Variants in TSPAN15 observed in about 807,000 individuals in gnomAD.
The protein encoded by TSPAN15 is tetraspanin 15.
TSPAN15 carries 20 observed loss-of-function variants against 34.5 expected under a neutral mutation model. The observed-to-expected ratio is 0.58, with a 90% CI of 0.41 to 0.84. The LOEUF is 0.84. TSPAN15 is among the 40% of genes least tolerant of loss of function. The pLI is 0.00. For missense variants in TSPAN15, 313 were observed against 386.1 expected (o/e 0.81, Z 1.59); for synonymous variants, 155 against 153.9 (o/e 1.01, Z -0.05).
At chr10:69,543,821 G>A in the TSPAN15 span, among the ~76,000 whole-genome samples, 2 of 150,406 alleles carry the variant, frequency 1.3e-5, no homozygotes, top group South Asian at 4.2e-4. Flanking sequence ...AGGAGAAGAG[G>A]GGGAGAGGGA....
intron 3 of TSPAN15, among the ~76,000 whole-genome samples, chr10:69,485,834 C>A (rs1841841499): frequency 6.6e-6 from 1 of 152,072 alleles, no homozygotes; most frequent in Admixed American, 6.5e-5. Context: ...GGCAGTGGGC[C>A]TGGGCCAAAA....
At chr10:69,533,139 G>C in the TSPAN15 span, among the ~76,000 whole-genome samples, 1 of 152,256 alleles carries the variant, frequency 6.6e-6, no homozygotes, top group African/African-American at 2.4e-5. Flanking sequence ...AGAACTAAAA[G>C]TAGCACTACC....
chr10:69,499,798 G>A (rs1842164783), intron 5 of TSPAN15, among the ~76,000 whole-genome samples: 1 of 152,206 alleles, frequency 6.6e-6, no homozygotes, highest in African/African-American at 2.4e-5. Flanking sequence ...AGTGAGGAAG[G>A]TGTCTGGGGG....
intron 1 of TSPAN15, among the ~76,000 whole-genome samples, chr10:69,472,464 G>T (rs1256124203): frequency 1.3e-5 from 2 of 152,156 alleles, no homozygotes; most frequent in East Asian, 3.9e-4. Flanking sequence ...TGGTGTGCTG[G>T]TATGTCTCTC....
chr10:69,539,440 AG>A, the TSPAN15 span, among the ~76,000 whole-genome samples: 18 of 63,604 alleles, frequency 2.8e-4, no homozygotes, highest in East Asian at 4.5e-3. Flanking sequence ...AAGAAGAAGA[AG>A]GAAGAAGAAG....
At chr10:69,493,240 G>T (rs1288196924) in intron 3 of TSPAN15, among the ~76,000 whole-genome samples, 1 of 152,172 alleles carries the variant, frequency 6.6e-6, no homozygotes, top group Non-Finnish European at 1.5e-5. Flanking sequence ...CAGGCTGCTC[G>T]GCTGGAAGGC....
At chr10:69,537,045 A>G in the TSPAN15 span, among the ~76,000 whole-genome samples, 1 of 151,368 alleles carries the variant, frequency 6.6e-6, no homozygotes, top group Non-Finnish European at 1.5e-5. Flanking sequence ...TTATGACCTC[A>G]TTTAACCCTA....
the TSPAN15 span, among the ~76,000 whole-genome samples, chr10:69,519,230 A>G: frequency 3.9e-5 from 6 of 152,266 alleles, no homozygotes; most frequent in South Asian, 1.2e-3. Context: ...CAGCCTGGGC[A>G]ATGGGAGACC....
At chr10:69,539,563 G>GAGAAGAAGAAGAAGA in the TSPAN15 span, among the ~76,000 whole-genome samples, 16 of 101,494 alleles carry the variant, frequency 1.6e-4, no homozygotes, top group African/African-American at 5.5e-4. Context: ...GAAGGAGAAG[G>GAGAAGAAGAAGAAGA]AGAAGAAGAC....
intron 3 of TSPAN15, chr10:69,494,615 T>C: frequency 1.0e-6 from 1 of 984,142 alleles, no homozygotes; most frequent in Non-Finnish European, 1.2e-6. Flanking sequence ...ACGGGTTTGG[T>C]TCACAGTTGG....
the TSPAN15 span, among the ~76,000 whole-genome samples, chr10:69,512,783 C>T: frequency 3.3e-5 from 5 of 152,164 alleles, no homozygotes; most frequent in Admixed American, 1.3e-4. Flanking sequence ...CTTTTTATTG[C>T]GGAGCAGCAT....
rs200624449 is a variant in TSPAN15, at chr10:69,485,494, G to A, written c.357+279G>A. Among the ~76,000 whole-genome samples, 9 of 152,256 alleles carry A rather than the reference G, an allele frequency of 5.9e-5. No homozygotes were observed. In the East Asian group the frequency reaches 1.7e-3, roughly 29 times the overall value. ...CAGCAGAGGGAAGCTGAGCAGAAAT[G>A]AGCTTAGCATGTGAGCAAAACAGCG... On this transcript the variant is annotated intron_variant, in intron 3 of 7. Transcript: ENST00000373290.
chr10:69,458,605 G>A (rs1841167582), intron 1 of TSPAN15, among the ~76,000 whole-genome samples: 4 of 152,172 alleles, frequency 2.6e-5, no homozygotes, highest in Admixed American at 2.6e-4. Flanking sequence ...CGTGCCTAAC[G>A]GGCTGTCAGA....
chr10:69,492,806 G>A (rs1841996148), intron 3 of TSPAN15, among the ~76,000 whole-genome samples: 1 of 152,192 alleles, frequency 6.6e-6, no homozygotes, highest in Non-Finnish European at 1.5e-5. Flanking sequence ...GGCAGCCCTG[G>A]GAGAGTCCAA....
intron 5 of TSPAN15, among the ~76,000 whole-genome samples, chr10:69,499,763 G>A (rs571196842): frequency 9.2e-5 from 14 of 152,206 alleles, no homozygotes; most frequent in South Asian, 2.1e-4. Flanking sequence ...TGAGAAAGGC[G>A]GGATCTGGGT....
At chr10:69,462,197 C>T (rs958220218) in intron 1 of TSPAN15, among the ~76,000 whole-genome samples, 2 of 119,836 alleles carry the variant, frequency 1.7e-5, no homozygotes, top group Non-Finnish European at 3.3e-5. Context: ...AATAGTGTCT[C>T]ACCATGTTGC....
intron 1 of TSPAN15, among the ~76,000 whole-genome samples, chr10:69,455,625 T>TCTCTC (rs1554830569): frequency 6.0e-5 from 5 of 82,834 alleles, no homozygotes; most frequent in Admixed American, 1.2e-4. Context: ...TCTCTCTCTC[T>TCTCTC]CCCCCCCCCG....
intron 1 of TSPAN15, among the ~76,000 whole-genome samples, chr10:69,468,554 A>G (rs1439195592): frequency 6.6e-6 from 1 of 152,084 alleles, no homozygotes; most frequent in Non-Finnish European, 1.5e-5. Context: ...ACGCACAGAA[A>G]AATGGAAGGA....
chr10:69,536,654 T>A, the TSPAN15 span, among the ~76,000 whole-genome samples: 2 of 152,140 alleles, frequency 1.3e-5, no homozygotes, highest in East Asian at 3.8e-4. Flanking sequence ...CTTTTCTCTG[T>A]ACACACCCAT....
Sources: allele counts gnomAD v4.1 joint callset (sites outside exome capture counted in the v4.1 genomes callset), GRCh38; gene constraint gnomAD v4.1.1; transcripts MANE v1.5; gene names NCBI Gene and HGNC (gene_info 2026-07-23, HGNC 2026-07-21).